PRR11: variants seen among roughly 807,000 people sequenced by gnomAD.
The protein encoded by PRR11 is proline rich 11.
PRR11 carries 30 observed loss-of-function variants against 45.6 expected under a neutral mutation model. The observed-to-expected ratio is 0.66, with a 90% CI of 0.49 to 0.89. PRR11 has a LOEUF of 0.89. Ranked by LOEUF, PRR11 falls within the 40% of genes least tolerant of loss-of-function variation. The pLI, the probability that PRR11 is intolerant of heterozygous loss-of-function variation, is 0.00. For synonymous variants in PRR11, 128 were observed against 153.5 expected (o/e 0.83, Z 1.23); for missense variants, 373 against 424.8 (o/e 0.88, Z 1.07).
At chr17:59,187,637 G>T (rs1467674055) in intron 4 of PRR11, among the ~76,000 whole-genome samples, 1 of 152,032 alleles carries the variant, frequency 6.6e-6, no homozygotes, top group African/African-American at 2.4e-5. Flanking sequence ...GGCCGAGGTG[G>T]GCAGATCACT....
At chr17:59,162,165 G>A (rs2046655722) in intron 1 of PRR11, among the ~76,000 whole-genome samples, 1 of 150,228 alleles carries the variant, frequency 6.7e-6, no homozygotes, top group African/African-American at 2.5e-5. Flanking sequence ...GCCAATTACT[G>A]TATTTAATTA....
At chr17:59,162,841 G>C (rs559630732) in intron 1 of PRR11, among the ~76,000 whole-genome samples, 1 of 146,944 alleles carries the variant, frequency 6.8e-6, no homozygotes, top group South Asian at 2.1e-4. Flanking sequence ...CGATTCTTCT[G>C]CCTCAGCCTC....
At position 59,185,071 on chromosome 17, in the gene PRR11, T is replaced by C; in HGVS notation, c.146T>C (p.Ile49Thr). 2 of 1,606,418 alleles carry C rather than the reference T, an allele frequency of 1.2e-6. No individual in the cohort carries two copies. Among genetic ancestry groups the C allele is most frequent in the Non-Finnish European group, 8.5e-7 (1 of 1,174,650 alleles). Residue 49 changes from isoleucine (I) to threonine (T), a missense_variant, in exon 3 of 10, where the codon ATA becomes ACA. Transcript: ENST00000262293. ...PSPERVGISS[I>T]DISQSRSWLT... ...TCCTACAGAGTCGGTATTTCTTCAA[T>C]AGATATATCTCAAAGCAGAAGCTGG... is the stretch of plus-strand genomic sequence containing the variant.
chr17:59,175,226 C>A, intron 2 of PRR11: 1 of 416,056 alleles, frequency 2.4e-6, no homozygotes, highest in Non-Finnish European at 4.6e-6. Context: ...CGATCCTCAG[C>A]TCAGGACTGG....
At chr17:59,179,928 C>T in intron 2 of PRR11, 1 of 1,294,994 alleles carries the variant, frequency 7.7e-7, no homozygotes, top group Non-Finnish European at 1.1e-6. Flanking sequence ...AATTGAACTC[C>T]TTAGAGCCAG....
chr17:59,169,756 C>T lies in PRR11; in HGVS notation c.4C>T (p.Pro2Ser), dbSNP rs926784293. 1 of 1,587,910 alleles carries T rather than the reference C, an allele frequency of 6.3e-7. No individual in the cohort carries two copies. The highest frequency in any genetic ancestry group is 1.4e-5 in the African/African-American group (1 of 72,988). ...AAAAAATTTCTCTGCAGAAATCATG[C>T]CCAAGTTCAAACAACGAAGACGAAA... The part of the protein sequence containing the change: M[P>S]KFKQRRRKLK... Residue 2 changes from proline to serine, a missense_variant, in exon 2 of 10, where the codon CCC becomes TCC. Physicochemically the swap from Pro to Ser is moderately conservative, Grantham distance 74. Transcript: ENST00000262293.
chr17:59,180,371 T>C (rs1435720512), intron 2 of PRR11, among the ~76,000 whole-genome samples: 1 of 151,344 alleles, frequency 6.6e-6, no homozygotes. Flanking sequence ...CCTCAAGTGA[T>C]CCGCCTGCCT....
At chr17:59,193,079 T>TTG (rs1255771459) in intron 4 of PRR11, among the ~76,000 whole-genome samples, 2 of 152,166 alleles carry the variant, frequency 1.3e-5, no homozygotes, top group East Asian at 3.9e-4. Flanking sequence ...TCAAGTGTGT[T>TTG]TGTGCATGTT....
At chr17:59,200,441 A>G (rs1299737549) in intron 9 of PRR11, among the ~76,000 whole-genome samples, 1 of 152,104 alleles carries the variant, frequency 6.6e-6, no homozygotes, top group Non-Finnish European at 1.5e-5. Context: ...CAAATAAATA[A>G]ATAAATTAGG....
At chr17:59,157,690 A>AGC (rs1339272333) in intron 1 of PRR11, among the ~76,000 whole-genome samples, 2 of 151,762 alleles carry the variant, frequency 1.3e-5, no homozygotes, top group African/African-American at 4.9e-5. Context: ...TGACAGAGCG[A>AGC]GACTCTGTCC....
chr17:59,163,406 G>GT (rs1435316237), intron 1 of PRR11, among the ~76,000 whole-genome samples: 12 of 152,156 alleles, frequency 7.9e-5, no homozygotes, highest in African/African-American at 2.9e-4. Flanking sequence ...TTTAAATATT[G>GT]TTTAACAGCT....
At chr17:59,161,251 A>G (rs2046650949) in intron 1 of PRR11, among the ~76,000 whole-genome samples, 1 of 152,056 alleles carries the variant, frequency 6.6e-6, no homozygotes, top group African/African-American at 2.4e-5. Context: ...TACTAAAAAT[A>G]CAAAAATTAG....
At chr17:59,191,636 T>G (rs2046841241) in intron 4 of PRR11, among the ~76,000 whole-genome samples, 2 of 152,186 alleles carry the variant, frequency 1.3e-5, no homozygotes, top group South Asian at 4.1e-4. Flanking sequence ...ATCTCTAGAT[T>G]GCCTCATGGT....
chr17:59,157,007 T>A (rs1367726232), intron 1 of PRR11, among the ~76,000 whole-genome samples: 1 of 152,254 alleles, frequency 6.6e-6, no homozygotes, highest in Non-Finnish European at 1.5e-5. Context: ...TAATTCTTAC[T>A]GTATTATTTA....
intron 4 of PRR11, among the ~76,000 whole-genome samples, chr17:59,191,166 G>GC (rs1294458125): frequency 6.6e-6 from 1 of 151,660 alleles, no homozygotes; most frequent in Non-Finnish European, 1.5e-5. Flanking sequence ...TGCCTTCCTG[G>GC]CCCCATCTCC....
At position 59,180,501 on chromosome 17, in the gene PRR11, T is replaced by TTTCTTTTTG. The variant is rs2147845721; in HGVS notation, c.129-4551_129-4550insCTTTTTGTT. Among the ~76,000 whole-genome samples the TTTCTTTTTG allele has an allele frequency of 2.6e-5, 3 of 116,214 alleles. No homozygotes were observed. The South Asian group carries it at 9.3e-4, about 36-fold the overall frequency. The allele number at this position is 116,214 out of a possible 152,430, so 76.2% of individuals were successfully genotyped here. ...TGACTTCTGGGCCCGTCCTTGTTTTTTTTTTTTTGTTTTTTTTGTTTTTTT... is the reference window on the plus strand; with the variant it reads ...TGACTTCTGGGCCCGTCCTTGTTTTTTTCTTTTTGTTTTTTTTGTTTTTTTTGTTTTTTT... On this transcript the variant is annotated intron_variant, in intron 2 of 9. Transcript: ENST00000262293.
At chr17:59,157,678 G>T (rs1362162640) in intron 1 of PRR11, among the ~76,000 whole-genome samples, 1 of 151,846 alleles carries the variant, frequency 6.6e-6, no homozygotes, top group Non-Finnish European at 1.5e-5. Flanking sequence ...CTCCAGCCCG[G>T]GTGACAGAGC....
intron 2 of PRR11, chr17:59,179,845 G>A: frequency 7.4e-7 from 1 of 1,345,708 alleles, no homozygotes; most frequent in East Asian, 2.4e-5. Flanking sequence ...TCCAGCAAAG[G>A]GACCCACACA....
intron 2 of PRR11, among the ~76,000 whole-genome samples, chr17:59,170,229 G>T (rs1489363878): frequency 6.6e-6 from 1 of 151,706 alleles, no homozygotes; most frequent in Admixed American, 6.6e-5. Flanking sequence ...TCAAGCCTGG[G>T]CAACAAGAGC....
Sources: gnomAD v4.1 joint callset for allele counts (sites outside exome capture counted in the v4.1 genomes callset) on GRCh38, gnomAD v4.1.1 for gene constraint, MANE v1.5 for transcripts, NCBI Gene and HGNC (gene_info 2026-07-23, HGNC 2026-07-21) for gene names.